APPL1: variants seen among roughly 807,000 people sequenced by gnomAD.
APPL1 encodes DCC-interacting protein 13-alpha.
Under a neutral mutation model 106.8 loss-of-function variants are expected in APPL1, and 42 were observed. The ratio of observed to expected loss-of-function variants is 0.39; its 90% CI spans 0.31 to 0.51. The LOEUF (loss-of-function observed/expected upper bound fraction) is 0.51. Among genes scored for constraint, APPL1 ranks in the 20% least tolerant of loss-of-function variants. The pLI is 0.75. For missense variants in APPL1, 769 were observed against 858.2 expected (o/e 0.90, Z 1.30); for synonymous variants, 263 against 281.8 (o/e 0.93, Z 0.67).
At chr3:57,231,355 A>G (rs1180032356) in intron 1 of APPL1, among the ~76,000 whole-genome samples, 3 of 150,466 alleles carry the variant, frequency 2.0e-5, no homozygotes, top group East Asian at 2.0e-4. Context: ...AAAAAAAAAA[A>G]AAAAGAAAAT....
At chr3:57,238,173 T>G (rs1303864170) in intron 4 of APPL1, 57 bp downstream of exon 4, 1 of 1,291,184 alleles carries the variant, frequency 7.7e-7, no homozygotes, top group East Asian at 2.4e-5. Flanking sequence ...GTTACCCAGT[T>G]GCTTAGCTTT....
intron 7 of APPL1, among the ~76,000 whole-genome samples, chr3:57,245,144 G>A (rs1397517665): frequency 6.6e-6 from 1 of 152,174 alleles, no homozygotes; most frequent in African/African-American, 2.4e-5. Context: ...GTGAGAGGGA[G>A]GAGATAAAAT....
At chr3:57,264,228 A>G (rs1008909394) in intron 19 of APPL1, among the ~76,000 whole-genome samples, 50 of 152,226 alleles carry the variant, frequency 3.3e-4, no homozygotes, top group Admixed American at 3.0e-3. Flanking sequence ...TTTAAATCAG[A>G]TTAAGGTTTT....
At position 57,248,881 on chromosome 3, in the gene APPL1, T is replaced by A. The variant is rs900981072; in HGVS notation, c.864-479T>A. On this transcript the variant is annotated intron_variant, in intron 10 of 21. Coordinates refer to ENST00000288266, the MANE Select transcript of APPL1 (RefSeq NM_012096.3). ...TGAGACTCTGTCTCAAAAAAAAAAA[T>A]GAAGTGAAACTAATTTGAGTTTAAA... Among the ~76,000 whole-genome samples the A allele has an allele frequency of 1.3e-4, 19 of 151,658 alleles. No individual in the cohort carries two copies. The East Asian group carries it at 3.7e-3, about 29-fold the overall frequency.
chr3:57,229,735 C>G (rs956184234), intron 1 of APPL1, among the ~76,000 whole-genome samples: 1 of 110,148 alleles, frequency 9.1e-6, no homozygotes, highest in African/African-American at 3.7e-5. Flanking sequence ...TTTCCTGAGA[C>G]GGGGTTTTGC....
chr3:57,250,804 CTTTT>C (rs71088045), intron 11 of APPL1, among the ~76,000 whole-genome samples: 2 of 110,282 alleles, frequency 1.8e-5, no homozygotes, highest in Non-Finnish European at 3.6e-5. Flanking sequence ...AACTTTCTTT[CTTTT>C]TTTTTTTTTT....
At chr3:57,268,670 T>C in intron 21 of APPL1, 183 bp downstream of exon 21, 2 of 477,272 alleles carry the variant, frequency 4.2e-6, no homozygotes, top group Non-Finnish European at 6.7e-6. Context: ...ATGTTTACAT[T>C]ATAGTTACGT....
Position 57,235,648 on chromosome 3 carries a change from G to A in APPL1, c.137G>A (p.Arg46Gln), listed in dbSNP as rs769557700. ...YMNQLYQAMH[R>Q]IYDAQNELSA... Reference sequence around the variant, plus strand: ...AACCAGTTGTATCAAGCTATGCATCGGATTTATGATGCACAGGTAAAACAC... The same window carrying A: ...AACCAGTTGTATCAAGCTATGCATCAGATTTATGATGCACAGGTAAAACAC... Residue 46 changes from arginine (R) to glutamine (Q), a missense_variant, in exon 2 of 22, where the codon CGG (arginine) becomes CAG (glutamine). By Grantham distance (43) the Arg-to-Gln change is conservative. Transcript: ENST00000288266. The A allele has an allele frequency of 6.2e-6, 10 of 1,611,690 alleles. No homozygotes were observed. The highest frequency in any genetic ancestry group is 2.2e-5 in the East Asian group (1 of 44,790).
intron 18 of APPL1, 31 bp downstream of exon 18, chr3:57,260,184 A>C (rs779512243): frequency 4.4e-6 from 7 of 1,593,916 alleles, no homozygotes; most frequent in African/African-American, 2.7e-5. Context: ...GCTTTGTTTT[A>C]GGTCCCTTTG....
At chr3:57,260,515 C>A in intron 18 of APPL1, 113 bp from the exon 19 acceptor site, 1 of 1,005,124 alleles carries the variant, frequency 9.9e-7, no homozygotes. Flanking sequence ...AAATAATTGG[C>A]TTTAATATAT....
chr3:57,261,406 A>G (rs1559513565), intron 19 of APPL1, among the ~76,000 whole-genome samples: 1 of 152,224 alleles, frequency 6.6e-6, no homozygotes, highest in Non-Finnish European at 1.5e-5. Context: ...TGTGAATAGT[A>G]CTACAGTAAA....
chr3:57,269,692 A>G lies in APPL1; in HGVS notation c.*5A>G. The stretch of plus-strand genomic sequence containing the variant: ...AAGAGAGAATCAGAAGCATAAGCTT[A>G]TACTTTTGGTAGATATTCCCCCTTG... On this transcript the variant is annotated 3_prime_UTR_variant, in exon 22 of 22. Coordinates refer to ENST00000288266, the MANE Select transcript of APPL1 (RefSeq NM_012096.3). 1 of 1,613,646 alleles carries G rather than the reference A, an allele frequency of 6.2e-7. No individual in the cohort carries two copies. Among genetic ancestry groups the G allele is most frequent in the Non-Finnish European group, 8.5e-7 (1 of 1,179,724 alleles).
intron 8 of APPL1, 128 bp from the exon 9 acceptor site, chr3:57,247,267 A>C: frequency 3.5e-6 from 2 of 577,704 alleles, no homozygotes; most frequent in Non-Finnish European, 6.1e-6. Context: ...ATGTATTTTT[A>C]CACAAATGGG....
Position 57,268,493 on chromosome 3 carries a change from C to G in APPL1, c.1983+6C>G. ...AACAAAAACAGATTGAAAAGGTATA[C>G]AGTCCTAATGTCTGGATCTTTATGT... On this transcript the variant is annotated splice_donor_region_variant and intron_variant, in intron 21 of 21. Transcript: ENST00000288266. The G allele has an allele frequency of 6.2e-7, 1 of 1,600,222 alleles. No homozygotes were observed. The highest frequency in any genetic ancestry group is 8.5e-7 in the Non-Finnish European group (1 of 1,175,424).
At chr3:57,256,012 T>C (rs1360586408) in intron 13 of APPL1, among the ~76,000 whole-genome samples, 1 of 152,196 alleles carries the variant, frequency 6.6e-6, no homozygotes, top group African/African-American at 2.4e-5. Flanking sequence ...TTGCTAACCA[T>C]AAGACACAGA....
intron 7 of APPL1, among the ~76,000 whole-genome samples, chr3:57,243,575 G>A (rs1579386882): frequency 6.6e-6 from 1 of 152,190 alleles, no homozygotes; most frequent in East Asian, 1.9e-4. Context: ...CACAGTGACT[G>A]CTTGTGGGAA....
Position 57,256,950 on chromosome 3 carries a change from G to T in APPL1, c.1153-7G>T, listed in dbSNP as rs773262743. 6.2e-7 allele frequency: 1 copy of T among 1,612,106 alleles called. No homozygotes were observed. Among genetic ancestry groups the T allele is most frequent in the Admixed American group, 1.7e-5 (1 of 59,440 alleles). On this transcript the variant is annotated splice_region_variant and splice_polypyrimidine_tract_variant and intron_variant, in intron 13 of 21. Coordinates refer to ENST00000288266, the MANE Select transcript of APPL1 (RefSeq NM_012096.3). ...ATATTAGTCCTTTTTTAAAAAAATTGAAATAGGAAACTGCTGCACGAGTAA... is the reference window on the plus strand; with the variant it reads ...ATATTAGTCCTTTTTTAAAAAAATTTAAATAGGAAACTGCTGCACGAGTAA...
In APPL1 at chr3:57,227,762, G is replaced by C. The variant is rs879640477; in HGVS notation, c.-122G>C. On this transcript the variant is annotated 5_prime_UTR_variant, in exon 1 of 22. Transcript: ENST00000288266. The stretch of plus-strand genomic sequence containing the variant: ...GCTCGGCGCCTGGAGAAGGCTGTGC[G>C]GGCGGGGACGGCTGCAGCCCTTGCC... 3.8e-6 allele frequency: 3 copies of C among 796,302 alleles called. No individual in the cohort carries two copies. The African/African-American group carries it at 5.5e-5, about 15-fold the overall frequency. 49.3% of individuals were successfully genotyped at this position (796,302 alleles called of 1,614,324 possible). A position where few individuals can be genotyped will look rare whatever the true frequency, so the allele number is the denominator to read the frequency against.
At chr3:57,251,086 C>T (rs1165544664) in intron 11 of APPL1, among the ~76,000 whole-genome samples, 7 of 150,554 alleles carry the variant, frequency 4.6e-5, no homozygotes, top group Admixed American at 3.3e-4. Flanking sequence ...GGATTACAGG[C>T]GTGAGCCACC....
Sources: allele counts gnomAD v4.1 joint callset (sites outside exome capture counted in the v4.1 genomes callset), GRCh38; gene constraint gnomAD v4.1.1; transcripts MANE v1.5; gene names NCBI Gene and HGNC (gene_info 2026-07-23, HGNC 2026-07-21).